The following SPIRE1 variants were observed in gnomAD, a reference collection of about 807,000 sequenced individuals.
SPIRE1 encodes the protein protein spire homolog 1.
In SPIRE1, 40 loss-of-function variants were observed where a neutral mutation model predicts 94.1. The observed-to-expected ratio is 0.43, with a 90% confidence interval of 0.33 to 0.55. The LOEUF is 0.55. SPIRE1 is among the 20% of genes least tolerant of loss of function. The probability of loss-of-function intolerance (pLI) is 0.06; values close to 1 mark genes in which losing one functional copy is unlikely to be tolerated. For synonymous variants in SPIRE1, 376 were observed against 371.7 expected, an observed-to-expected ratio of 1.01 and a Z score of -0.13; for missense variants, 838 against 975.2, an observed-to-expected ratio of 0.86 and a Z score of 1.87.
At chr18:12,618,334 T>C (rs1244129935) in intron 2 of SPIRE1, among the ~76,000 whole-genome samples, 1 of 151,770 alleles carries the variant, frequency 6.6e-6, no homozygotes, top group Non-Finnish European at 1.5e-5. Context: ...TTTCCTGACC[T>C]TGTTATCCGC....
chr18:12,527,963 G>A (rs962944289), intron 4 of SPIRE1, among the ~76,000 whole-genome samples: 1 of 151,800 alleles, frequency 6.6e-6, no homozygotes, highest in Non-Finnish European at 1.5e-5. Flanking sequence ...CTACTAGAGA[G>A]GCTGAGGCAG....
chr18:12,582,226 T>C (rs778971525), intron 2 of SPIRE1, among the ~76,000 whole-genome samples: 10 of 150,204 alleles, frequency 6.7e-5, no homozygotes, highest in African/African-American at 9.7e-5. Context: ...CATTCTATGC[T>C]TCAATCCCCT....
intron 1 of SPIRE1, among the ~76,000 whole-genome samples, chr18:12,657,249 G>T (rs2038569965): frequency 6.8e-6 from 1 of 147,822 alleles, no homozygotes; most frequent in Non-Finnish European, 1.5e-5. Flanking sequence ...GCAGCACAAT[G>T]ACGAGCGCCC....
chr18:12,576,120 T>C (rs890194657), intron 2 of SPIRE1, among the ~76,000 whole-genome samples: 1 of 151,926 alleles, frequency 6.6e-6, no homozygotes, highest in African/African-American at 2.4e-5. Flanking sequence ...AGAGAATCGC[T>C]TGAACCCAGG....
Position 12,452,375 on chromosome 18 carries a change from T to G in SPIRE1, c.1892A>C (p.Lys631Thr). The change falls in exon 16 of 17, where the codon AAA becomes ACA. Residue 631 changes from lysine to threonine, a missense_variant. Coordinates refer to ENST00000409402, the MANE Select transcript of SPIRE1 (RefSeq NM_001128626.2). ...AAAGATAGGAAGAGTGGAGTATGGT[T>G]TGGAGGGCAGCCGCATCTATTATCC... The part of the protein sequence containing the change: ...QCCKKMRLPS[K>T]PYSTLPIFSL... 6.2e-7 allele frequency: 1 copy of G among 1,614,128 alleles called. No individual in the cohort carries two copies. Among genetic ancestry groups the G allele is most frequent in the Non-Finnish European group, 8.5e-7 (1 of 1,180,036 alleles).
rs770657469 is a variant in SPIRE1, at chr18:12,535,540, C to T, written c.665G>A (p.Arg222His). The change falls in exon 4 of 17, where the codon CGT becomes CAT. Residue 222 changes from arginine (R) to histidine (H), a missense_variant. Physicochemically the swap from Arg to His is conservative, Grantham distance 29. Around this residue, in one of 2 missense-constraint regions of SPIRE1, gnomAD observed 645 missense variants for 804.7 expected, o/e 0.80. Transcript: ENST00000409402. ...DAPNHYQAVC[R>H]ALFAETMELH... ...CTCCATTGTTTCTGCAAACAGTGCA[C>T]GACATACTGCCTGATAATGATTTGG... 3.8e-5 allele frequency: 62 copies of T among 1,613,080 alleles called. No individual in the cohort carries two copies. Among genetic ancestry groups the T allele is most frequent in the Admixed American group, 1.2e-4 (7 of 59,988 alleles).
intron 6 of SPIRE1, among the ~76,000 whole-genome samples, chr18:12,503,695 C>T (rs1356376479): frequency 2.6e-5 from 3 of 116,834 alleles, no homozygotes; most frequent in Non-Finnish European, 3.8e-5. Context: ...GACTGTAATA[C>T]GTCCTTCCAG....
chr18:12,570,106 C>G (rs556100575), intron 2 of SPIRE1, among the ~76,000 whole-genome samples: 1 of 152,170 alleles, frequency 6.6e-6, no homozygotes, highest in Non-Finnish European at 1.5e-5. Flanking sequence ...CAAGTCTTCC[C>G]ATCACCACGT....
At chr18:12,601,184 G>C (rs964797716) in intron 2 of SPIRE1, among the ~76,000 whole-genome samples, 13 of 151,834 alleles carry the variant, frequency 8.6e-5, no homozygotes, top group Non-Finnish European at 1.6e-4. Context: ...ACTCTGGGAG[G>C]CCGCGGCAGG....
intron 2 of SPIRE1, among the ~76,000 whole-genome samples, chr18:12,557,369 C>A (rs2035546652): frequency 6.6e-6 from 1 of 152,242 alleles, no homozygotes; most frequent in African/African-American, 2.4e-5. Context: ...ACTCAGCGCA[C>A]CCTCTGCAGC....
chr18:12,646,748 TA>T (rs36049284), intron 1 of SPIRE1, among the ~76,000 whole-genome samples: 2 of 152,122 alleles, frequency 1.3e-5, no homozygotes, highest in East Asian at 1.9e-4. Context: ...AGACTTAATT[TA>T]AAAAAATGTA....
intron 10 of SPIRE1, among the ~76,000 whole-genome samples, chr18:12,479,337 GCTAA>G (rs2032754614): frequency 2.0e-5 from 3 of 151,736 alleles, no homozygotes; most frequent in Admixed American, 1.3e-4. Context: ...ACTGCATGTG[GCTAA>G]CTTTTTAATT....
At chr18:12,469,826 C>T (rs1230210538) in intron 10 of SPIRE1, among the ~76,000 whole-genome samples, 3 of 149,276 alleles carry the variant, frequency 2.0e-5, no homozygotes, top group Non-Finnish European at 4.4e-5. Flanking sequence ...AAAGTAAGCA[C>T]ATTTGGAGTA....
At position 12,640,701 on chromosome 18, in the gene SPIRE1, C is replaced by A. The variant is rs377552437; in HGVS notation, c.338-5605G>T. 7.2e-5 allele frequency among the ~76,000 whole-genome samples: 11 copies of A among 152,256 alleles called. No homozygotes were observed. In the East Asian group the frequency reaches 1.9e-3, roughly 27 times the overall value. ...ACAGAGACCTTGAAGCTGGGTAGAACCAACTGCAGGGCGGGAAGAAGAATC... is the reference window on the plus strand; with the variant it reads ...ACAGAGACCTTGAAGCTGGGTAGAAACAACTGCAGGGCGGGAAGAAGAATC... On this transcript the variant is annotated intron_variant, in intron 1 of 16. Coordinates refer to ENST00000409402, the MANE Select transcript of SPIRE1 (RefSeq NM_001128626.2).
intron 7 of SPIRE1, among the ~76,000 whole-genome samples, chr18:12,493,669 A>C (rs1029634212): frequency 1.3e-5 from 2 of 152,068 alleles, no homozygotes; most frequent in African/African-American, 4.8e-5. Flanking sequence ...AGTCTCCCAA[A>C]GTGCTGGGAT....
intron 2 of SPIRE1, among the ~76,000 whole-genome samples, chr18:12,583,675 G>A (rs928654492): frequency 6.6e-6 from 1 of 151,868 alleles, no homozygotes; most frequent in Non-Finnish European, 1.5e-5. Flanking sequence ...TGTAATCCTA[G>A]CACTTTTGGG....
Position 12,644,871 on chromosome 18 carries a change from A to C in SPIRE1, c.338-9775T>G, listed in dbSNP as rs183292097. On this transcript the variant is annotated intron_variant, in intron 1 of 16. Transcript: ENST00000409402. ...ATACAAGGTAACAAAATGCCCCCAC[A>C]TATATTTCTTCATTTGAGTCTCATA... Among the ~76,000 whole-genome samples the C allele has an allele frequency of 2.6e-3, 403 of 152,350 alleles. 2 individuals are homozygous for C. The highest frequency in any genetic ancestry group is 6.3e-3 in the Admixed American group (97 of 15,290).
chr18:12,579,866 C>G (rs1388642818), intron 2 of SPIRE1, among the ~76,000 whole-genome samples: 1 of 152,238 alleles, frequency 6.6e-6, no homozygotes, highest in East Asian at 1.9e-4. Context: ...CCACTTCACT[C>G]TGTTTCGAGC....
chr18:12,540,383 C>T (rs1428092709), intron 3 of SPIRE1, among the ~76,000 whole-genome samples: 1 of 151,438 alleles, frequency 6.6e-6, no homozygotes, highest in Non-Finnish European at 1.5e-5. Flanking sequence ...TTCTCTGTTA[C>T]TTTTTTTTTG....
Sources: gnomAD v4.1 joint callset for allele counts (sites outside exome capture counted in the v4.1 genomes callset) on GRCh38, gnomAD v4.1.1 for gene constraint, gnomAD v4.1.1 regional missense constraint, MANE v1.5 for transcripts, NCBI Gene and HGNC (gene_info 2026-07-23, HGNC 2026-07-21) for gene names.